The following LAMA2 variants were observed in gnomAD, a reference collection of about 807,000 sequenced individuals.
The protein encoded by LAMA2 is laminin subunit alpha-2.
In LAMA2, 269 loss-of-function variants were observed where a neutral mutation model predicts 364.8. The observed-to-expected ratio is 0.74, with a 90% CI of 0.67 to 0.82. The LOEUF is 0.82. Among genes scored for constraint, LAMA2 ranks in the 40% least tolerant of loss-of-function variants. LAMA2 has a pLI of 0.00. For missense variants in LAMA2, 3,807 were observed against 3,873.2 expected (o/e 0.98, Z 0.45); for synonymous variants, 1,379 against 1,370.6 (o/e 1.01, Z -0.14).
intron 40 of LAMA2, among the ~76,000 whole-genome samples, chr6:129,411,243 T>C (rs1780525082): frequency 1.3e-5 from 2 of 152,216 alleles, no homozygotes; most frequent in Admixed American, 1.3e-4. Flanking sequence ...TTCTCTTACT[T>C]GCTACAGTTG....
chr6:129,160,261 T>C (rs1174273862), intron 8 of LAMA2, among the ~76,000 whole-genome samples: 1 of 152,144 alleles, frequency 6.6e-6, no homozygotes, highest in Non-Finnish European at 1.5e-5. Flanking sequence ...CTATTTTTTA[T>C]TAGACATAGG....
intron 1 of LAMA2, among the ~76,000 whole-genome samples, chr6:128,949,002 GTATT>G (rs1187960092): frequency 1.3e-5 from 2 of 152,216 alleles, no homozygotes; most frequent in African/African-American, 4.8e-5. Flanking sequence ...GTGATATTTG[GTATT>G]TTCTAGTCCA....
intron 1 of LAMA2, among the ~76,000 whole-genome samples, chr6:128,944,280 A>G (rs888753830): frequency 4.6e-5 from 7 of 152,198 alleles, no homozygotes; most frequent in African/African-American, 1.7e-4. Flanking sequence ...TTAGATATTT[A>G]CATTTTTATC....
At chr6:129,232,208 T>G (rs982463448) in intron 12 of LAMA2, among the ~76,000 whole-genome samples, 1 of 152,148 alleles carries the variant, frequency 6.6e-6, no homozygotes, top group Non-Finnish European at 1.5e-5. Flanking sequence ...AAACTCACTT[T>G]AAGTTTTACT....
chr6:129,470,348 T>C (rs1783750888), intron 51 of LAMA2, among the ~76,000 whole-genome samples: 1 of 151,908 alleles, frequency 6.6e-6, no homozygotes, highest in South Asian at 2.1e-4. Flanking sequence ...TGATGGTGTC[T>C]CACCTGTTGA....
chr6:129,172,218 G>A (rs1270468124), intron 9 of LAMA2, among the ~76,000 whole-genome samples: 1 of 152,106 alleles, frequency 6.6e-6, no homozygotes, highest in Non-Finnish European at 1.5e-5. Context: ...TTGCTGGTGA[G>A]GAACTGCGTT....
rs571991637 is a variant in LAMA2 at position 129,225,454 on chromosome 6, T to G, written c.1783-24658T>G. 5.3e-3 allele frequency among the ~76,000 whole-genome samples: 811 copies of G among 152,320 alleles called. 9 individuals are homozygous for G. Among genetic ancestry groups the G allele is most frequent in the African/African-American group, 0.018 (769 of 41,568 alleles). On this transcript the variant is annotated intron_variant, in intron 12 of 64. Transcript: ENST00000421865. ...GTGTCAATTTTGGATCTTTCCTGCT[T>G]TCTCTTGTGGGCATTTAGTGCTATA... is the stretch of plus-strand genomic sequence containing the variant.
At chr6:129,500,755 T>A (rs1245982113) in intron 58 of LAMA2, among the ~76,000 whole-genome samples, 1 of 152,188 alleles carries the variant, frequency 6.6e-6, no homozygotes, top group East Asian at 1.9e-4. Context: ...TGGATACACC[T>A]GTCCAGTCTA....
intron 15 of LAMA2, 54 bp from the exon 16 acceptor site, chr6:129,267,052 A>G (rs1562395653): frequency 1.8e-6 from 2 of 1,136,044 alleles, no homozygotes; most frequent in South Asian, 2.5e-5. Context: ...AACAAACAAA[A>G]ACACCTTTTT....
rs149107547 is a variant in LAMA2 at position 129,488,262 on chromosome 6, A to G, written c.7898+1640A>G. Among the ~76,000 whole-genome samples the G allele has an allele frequency of 8.3e-4, 127 of 152,298 alleles. 3 individuals carry two copies. The highest frequency in any genetic ancestry group is 3.0e-3 in the African/African-American group (125 of 41,570). On this transcript the variant is annotated intron_variant, in intron 56 of 64. Transcript: ENST00000421865. ...GGGACAGAGGTTTCAGTGAGCCGAG[A>G]TCGCACCACTGCACTCCAGCCTGGG...
chr6:129,260,438 A>G (rs533850915), intron 14 of LAMA2, among the ~76,000 whole-genome samples: 1 of 152,248 alleles, frequency 6.6e-6, no homozygotes, highest in East Asian at 1.9e-4. Context: ...AAAAATGAAA[A>G]TCAAAACACA....
At chr6:128,912,233 C>T (rs923903625) in intron 1 of LAMA2, among the ~76,000 whole-genome samples, 2 of 152,100 alleles carry the variant, frequency 1.3e-5, no homozygotes, top group African/African-American at 4.8e-5. Context: ...TAAATGAAGG[C>T]ATGATCTTAG....
At chr6:129,071,631 TA>T (rs1451588022) in intron 3 of LAMA2, among the ~76,000 whole-genome samples, 2 of 152,310 alleles carry the variant, frequency 1.3e-5, no homozygotes, top group African/African-American at 4.8e-5. Flanking sequence ...AAATATATTC[TA>T]ATTTTCATAG....
At chr6:129,351,448 T>C (rs1776849348) in intron 31 of LAMA2, among the ~76,000 whole-genome samples, 1 of 152,168 alleles carries the variant, frequency 6.6e-6, no homozygotes, top group Non-Finnish European at 1.5e-5. Context: ...TCAAACATTG[T>C]TATAGCTTTG....
chr6:129,235,086 T>C (rs1353969356), intron 12 of LAMA2, among the ~76,000 whole-genome samples: 1 of 152,176 alleles, frequency 6.6e-6, no homozygotes, highest in Non-Finnish European at 1.5e-5. Context: ...AGAACTTAGT[T>C]TGCCTATCTG....
At chr6:129,316,247 T>A (rs947864689) in intron 27 of LAMA2, 76 bp downstream of exon 27, 1 of 1,180,268 alleles carries the variant, frequency 8.5e-7, no homozygotes, top group Non-Finnish European at 1.2e-6. Context: ...AGATATCAGA[T>A]AAGAAAGATT....
intron 13 of LAMA2, 74 bp downstream of exon 13, chr6:129,250,287 C>T: frequency 1.1e-6 from 1 of 934,398 alleles, no homozygotes; most frequent in Admixed American, 1.7e-5. Context: ...GTATTTTTTA[C>T]CTGCCTGGTT....
At chr6:129,245,502 A>G (rs933990733) in intron 12 of LAMA2, among the ~76,000 whole-genome samples, 2 of 152,206 alleles carry the variant, frequency 1.3e-5, no homozygotes, top group Admixed American at 6.6e-5. Context: ...AAGATGTTCA[A>G]TTTTATGAAA....
intron 1 of LAMA2, among the ~76,000 whole-genome samples, chr6:128,985,623 A>G (rs1295662071): frequency 1.3e-5 from 2 of 152,188 alleles, no homozygotes; most frequent in African/African-American, 4.8e-5. Context: ...AAGATATGGT[A>G]TAAGGAACCC....
Sources: allele counts gnomAD v4.1 joint callset (sites outside exome capture counted in the v4.1 genomes callset), GRCh38; gene constraint gnomAD v4.1.1; transcripts MANE v1.5; gene names NCBI Gene and HGNC (gene_info 2026-07-23, HGNC 2026-07-21).